Variants in KIAA0319 observed in about 807,000 individuals in gnomAD.
KIAA0319 encodes KIAA0319.
KIAA0319 carries 83 observed loss-of-function variants against 108.4 expected under a neutral mutation model. The ratio of observed to expected loss-of-function variants is 0.77; its 90% confidence interval spans 0.64 to 0.92. KIAA0319 has a LOEUF of 0.92. Among genes scored for constraint, KIAA0319 ranks in the 40% least tolerant of loss-of-function variants. The pLI, the probability that KIAA0319 is intolerant of heterozygous loss-of-function variation, is 0.00. For missense variants in KIAA0319, 1,195 were observed against 1,322.4 expected (o/e 0.90, Z 1.49); for synonymous variants, 484 against 510.4 (o/e 0.95, Z 0.70).
intron 1 of KIAA0319, among the ~76,000 whole-genome samples, chr6:24,629,092 G>A (rs932900979): frequency 2.0e-5 from 3 of 152,156 alleles, no homozygotes; most frequent in South Asian, 2.1e-4. Context: ...GAAGTACCTA[G>A]AGCAGACAGT....
chr6:24,554,177 T>C (rs186624129), intron 19 of KIAA0319, among the ~76,000 whole-genome samples: 1 of 152,228 alleles, frequency 6.6e-6, no homozygotes, highest in African/African-American at 2.4e-5. Context: ...TGGTGTCCAC[T>C]GCAAAGCTGT....
At position 24,569,893 on chromosome 6, in the gene KIAA0319, G is replaced by A. The variant is rs1471357299; in HGVS notation, c.1991+10C>T. 1 of 1,613,678 alleles carries A rather than the reference G, an allele frequency of 6.2e-7. No homozygotes were observed. Among genetic ancestry groups the A allele is most frequent in the Non-Finnish European group, 8.5e-7 (1 of 1,179,762 alleles). ...GGGCATGAACCTAGCTCAGTGGCGA[G>A]ACAGACTACCTGACGTGCTCCCAGT... On this transcript the variant is annotated intron_variant, in intron 12 of 20. Coordinates refer to ENST00000378214, the MANE Select transcript of KIAA0319 (RefSeq NM_014809.4).
chr6:24,630,317 T>A (rs1259772882), intron 1 of KIAA0319, among the ~76,000 whole-genome samples: 1 of 151,936 alleles, frequency 6.6e-6, no homozygotes, highest in Non-Finnish European at 1.5e-5. Context: ...GAGGCCAGTC[T>A]GGCCAATATG....
In KIAA0319 at chr6:24,588,638, T is replaced by C. The variant is rs1469625960; in HGVS notation, c.949A>G (p.Thr317Ala). The change falls in exon 4 of 21, where the codon ACC becomes GCC. Residue 317 changes from threonine to alanine, a missense_variant. Physicochemically the swap from Thr to Ala is moderately conservative, Grantham distance 58 (BLOSUM62 0). Transcript: ENST00000378214. Reference sequence around the variant, plus strand: ...GGAGATATGGGTAGCTCAGATGGGGTGGACTCAGAGGGGGCTGCGCTAGTG... The same window carrying C: ...GGAGATATGGGTAGCTCAGATGGGGCGGACTCAGAGGGGGCTGCGCTAGTG... ...PPTSAAPSES[T>A]PSELPISPTT... is the part of the protein sequence containing the mutation. 7 of 1,613,940 alleles carry C rather than the reference T, an allele frequency of 4.3e-6. No homozygotes were observed. The highest frequency in any genetic ancestry group is 5.1e-6 in the Non-Finnish European group (6 of 1,179,934).
intron 1 of KIAA0319, among the ~76,000 whole-genome samples, chr6:24,617,428 G>C (rs1462108746): frequency 1.3e-5 from 2 of 151,840 alleles, no homozygotes; most frequent in Non-Finnish European, 2.9e-5. Flanking sequence ...GAGATTGCTG[G>C]GGAAAATATA....
At chr6:24,600,620 TG>T in intron 2 of KIAA0319, 1 of 1,515,684 alleles carries the variant, frequency 6.6e-7, no homozygotes, top group South Asian at 1.2e-5. Context: ...TATACTCACA[TG>T]GGCTCGGCCA....
intron 11 of KIAA0319, among the ~76,000 whole-genome samples, chr6:24,570,916 C>T (rs767679731): frequency 4.3e-4 from 66 of 151,986 alleles, no homozygotes; most frequent in Non-Finnish European, 2.8e-4. Flanking sequence ...ATTGGCAGGG[C>T]GTGGTAGTTC....
intron 14 of KIAA0319, among the ~76,000 whole-genome samples, chr6:24,566,217 G>C (rs897821595): frequency 2.6e-5 from 4 of 152,190 alleles, no homozygotes; most frequent in African/African-American, 9.7e-5. Context: ...CCATATGACT[G>C]TATCTAGAAA....
At chr6:24,561,164 T>C (rs1291558175) in intron 16 of KIAA0319, among the ~76,000 whole-genome samples, 1 of 152,248 alleles carries the variant, frequency 6.6e-6, no homozygotes, top group Non-Finnish European at 1.5e-5. Flanking sequence ...TTGTAGATTT[T>C]TGCTTCTATA....
chr6:24,578,000 C>CA, intron 9 of KIAA0319, 110 bp downstream of exon 9: 2 of 1,172,952 alleles, frequency 1.7e-6, no homozygotes, highest in Non-Finnish European at 1.2e-6. Flanking sequence ...CCATGAAAGC[C>CA]AAATCTCTTT....
At chr6:24,570,979 C>A (rs975421689) in intron 11 of KIAA0319, among the ~76,000 whole-genome samples, 2 of 151,858 alleles carry the variant, frequency 1.3e-5, no homozygotes, top group South Asian at 2.1e-4. Context: ...CACTTGAGGC[C>A]AGGAGTTCAA....
chr6:24,578,039 T>C (rs2127475784), intron 9 of KIAA0319, 71 bp downstream of exon 9: 1 of 1,471,384 alleles, frequency 6.8e-7, no homozygotes, highest in Non-Finnish European at 9.2e-7. Context: ...CAGTGTTTTA[T>C]GTGCGTTAAT....
chr6:24,548,120 G>A (rs775602918), intron 20 of KIAA0319, among the ~76,000 whole-genome samples: 4 of 152,178 alleles, frequency 2.6e-5, no homozygotes, highest in Non-Finnish European at 5.9e-5. Flanking sequence ...AATTGTATAT[G>A]AATTAGGAGA....
Position 24,599,861 on chromosome 6 carries a change from G to A in KIAA0319, c.55+1188C>T. 1 of 404,820 alleles carries A rather than the reference G, an allele frequency of 2.5e-6. No homozygotes were observed. The highest frequency in any genetic ancestry group is 4.6e-6 in the Non-Finnish European group (1 of 215,452). The allele number at this position is 404,820 out of a possible 1,614,324, so 25.1% of individuals were successfully genotyped here. A position where few individuals can be genotyped will look rare whatever the true frequency, so the allele number is the denominator to read the frequency against. On this transcript the variant is annotated intron_variant, in intron 2 of 20. Coordinates refer to ENST00000378214, the MANE Select transcript of KIAA0319 (RefSeq NM_014809.4). This position sits in a 1 kb window ranked among gnomAD's most constrained non-coding sequence, Gnocchi z 4.1. ...CAGAGCCTGTGGGGGAGGCCACTGT[G>A]CAGGGGAGCATAGGGAACAGGAGAC...
At position 24,601,215 on chromosome 6, in the gene KIAA0319, A is replaced by C. The variant is rs1251387035; in HGVS notation, c.-105-7T>G. On this transcript the variant is annotated splice_polypyrimidine_tract_variant and splice_region_variant and intron_variant, in intron 1 of 20. Coordinates refer to ENST00000378214, the MANE Select transcript of KIAA0319 (RefSeq NM_014809.4). Reference sequence around the variant, plus strand: ...CCAGATTTGGCCTCAAGAACTTCAAAGGAAAAACATAAAAGAGGAAGGAAG... The same window carrying C: ...CCAGATTTGGCCTCAAGAACTTCAACGGAAAAACATAAAAGAGGAAGGAAG... The C allele has an allele frequency of 6.5e-7, 1 of 1,548,394 alleles. No individual in the cohort carries two copies. Among genetic ancestry groups the C allele is most frequent in the Non-Finnish European group, 8.7e-7 (1 of 1,149,234 alleles).
chr6:24,597,107 T>G (rs1284445476), intron 2 of KIAA0319, among the ~76,000 whole-genome samples: 2 of 152,188 alleles, frequency 1.3e-5, no homozygotes, highest in South Asian at 2.1e-4. Context: ...TTCCTTCCAT[T>G]TGTTATTTTT....
chr6:24,591,920 T>C (rs147213704), intron 3 of KIAA0319, among the ~76,000 whole-genome samples: 47 of 152,338 alleles, frequency 3.1e-4, no homozygotes, highest in African/African-American at 1.1e-3. Context: ...GTAAGAGTTA[T>C]TTATATATTC....
At chr6:24,610,237 T>C (rs185762377) in intron 1 of KIAA0319, among the ~76,000 whole-genome samples, 61 of 152,156 alleles carry the variant, frequency 4.0e-4, no homozygotes, top group Admixed American at 1.3e-3. Flanking sequence ...TATAATTCAA[T>C]AATAAAAAGA....
Position 24,572,559 on chromosome 6 carries a change from T to G in KIAA0319, c.1858+16A>C, listed in dbSNP as rs1028623369. On this transcript the variant is annotated intron_variant, in intron 11 of 20. Transcript: ENST00000378214. The stretch of plus-strand genomic sequence containing the variant: ...GCTTTAATCTCTGAGGCCAAATCTC[T>G]TTCTCCTCCACCTACCAGGCTGGAC... 1.8e-5 allele frequency: 29 copies of G among 1,606,076 alleles called. No homozygotes were observed. Among genetic ancestry groups the G allele is most frequent in the Middle Eastern group, 1.7e-4 (1 of 6,036 alleles).
Sources: allele counts gnomAD v4.1 joint callset (sites outside exome capture counted in the v4.1 genomes callset), GRCh38; gene constraint gnomAD v4.1.1; non-coding constraint Gnocchi (gnomAD v3.1); transcripts MANE v1.5; gene names NCBI Gene and HGNC (gene_info 2026-07-23, HGNC 2026-07-21).